The following NLGN1 variants were observed in gnomAD, a reference collection of about 807,000 sequenced individuals.
The protein encoded by NLGN1 is neuroligin-1.
In NLGN1, 12 loss-of-function variants were observed where a neutral mutation model predicts 65.5. The ratio of observed to expected loss-of-function variants is 0.18; its 90% confidence interval spans 0.12 to 0.30. The LOEUF (loss-of-function observed/expected upper bound fraction) is 0.30, where lower values mean the gene tolerates loss of function less well. NLGN1 is among the 10% of genes least tolerant of loss of function. NLGN1 has a pLI of 1.00. For synonymous variants in NLGN1, 350 were observed against 359.5 expected, an observed-to-expected ratio of 0.97 and a Z score of 0.30; for missense variants, 750 against 1,007.1, an observed-to-expected ratio of 0.74 and a Z score of 3.46.
rs527723137 is a variant in NLGN1, at chr3:174,136,255, C to T, written c.647-139060C>T. Among the ~76,000 whole-genome samples, 5 of 152,174 alleles carry T rather than the reference C, an allele frequency of 3.3e-5. No individual in the cohort carries two copies. The South Asian group carries it at 1.0e-3, about 32-fold the overall frequency. On this transcript the variant is annotated intron_variant, in intron 4 of 6. Coordinates refer to ENST00000457714, the Ensembl canonical transcript of NLGN1. ...ATTAAGAACAGGAAAATAAAAGGCA[C>T]ATAGCAATACATACTATTGGGTGTT...
Position 173,909,585 on chromosome 3 carries a change from C to A in NLGN1, c.646+101753C>A, listed in dbSNP as rs772069274. On this transcript the variant is annotated intron_variant, in intron 4 of 6. Coordinates refer to ENST00000457714, the Ensembl canonical transcript of NLGN1. ...GCTGGTAGATTATATTATTTTCTCA[C>A]CTTTCAGTGGTTACATTTAAGTATG... 3.3e-5 allele frequency among the ~76,000 whole-genome samples: 5 copies of A among 152,316 alleles called. No homozygotes were observed. In the South Asian group the frequency reaches 1.0e-3, roughly 32 times the overall value.
At chr3:174,218,350 T>G (rs963650505) in intron 4 of NLGN1, among the ~76,000 whole-genome samples, 3 of 152,026 alleles carry the variant, frequency 2.0e-5, no homozygotes, top group Admixed American at 6.6e-5. Context: ...TCATCTTTTC[T>G]TCAGTGAGGT....
intron 1 of NLGN1, among the ~76,000 whole-genome samples, chr3:173,432,443 C>T (rs247976): frequency 0.3 from 44,854 of 151,980 alleles, 6,784 homozygotes; most frequent in Middle Eastern, 0.41. Flanking sequence ...AGAAGTACCT[C>T]GTTAGTGTTT....
In NLGN1 at chr3:173,861,515, C is replaced by CGTGT. The variant is rs145812733; in HGVS notation, c.646+53722_646+53725dup. Among the ~76,000 whole-genome samples, 843 of 141,438 alleles carry CGTGT rather than the reference C, an allele frequency of 6.0e-3. 1 individual carries two copies. The highest frequency in any genetic ancestry group is 0.014 in the East Asian group (65 of 4,626). The allele number at this position is 141,438 out of a possible 152,430, so 92.8% of individuals were successfully genotyped here. ...GAATTGCCAATTCCAGTAGCTGGCA[C>CGTGT]GTGTGTGTGTGTGTGTGTGTGTGTG... On this transcript the variant is annotated intron_variant, in intron 4 of 6. Transcript: ENST00000457714.
intron 2 of NLGN1, among the ~76,000 whole-genome samples, chr3:173,451,062 C>T (rs1012634784): frequency 5.3e-5 from 8 of 152,200 alleles, no homozygotes; most frequent in Non-Finnish European, 7.3e-5. Flanking sequence ...TCTCTCAACT[C>T]GTCAAAGTCA....
chr3:173,425,471 G>T (rs1449634757), intron 1 of NLGN1, among the ~76,000 whole-genome samples: 1 of 151,920 alleles, frequency 6.6e-6, no homozygotes, highest in Non-Finnish European at 1.5e-5. Context: ...TAGATTCATA[G>T]TTTCAGGTCT....
intron 4 of NLGN1, among the ~76,000 whole-genome samples, chr3:173,818,892 G>GTTTTTTTTTTTTTTTTT (rs1224307666): frequency 1.9e-4 from 4 of 21,312 alleles, no homozygotes; most frequent in African/African-American, 8.1e-4. Flanking sequence ...CCTTTGAATA[G>GTTTTTTTTTTTTTTTTT]TTCTTTTTTT....
At chr3:173,616,187 T>C (rs1753044284) in intron 3 of NLGN1, among the ~76,000 whole-genome samples, 1 of 152,194 alleles carries the variant, frequency 6.6e-6, no homozygotes, top group African/African-American at 2.4e-5. Context: ...AAGGCTAATG[T>C]AGTCTATGGG....
At chr3:173,761,224 G>GCAA (rs1777924355) in intron 3 of NLGN1, among the ~76,000 whole-genome samples, 1 of 152,034 alleles carries the variant, frequency 6.6e-6, no homozygotes, top group Non-Finnish European at 1.5e-5. Context: ...ACACTGAGAT[G>GCAA]CAGTTCTTGT....
At chr3:174,167,630 T>C (rs1458635694) in intron 4 of NLGN1, among the ~76,000 whole-genome samples, 2 of 101,124 alleles carry the variant, frequency 2.0e-5, no homozygotes, top group Non-Finnish European at 4.1e-5. Flanking sequence ...CCCTTAAGAT[T>C]TTTTTTTTTC....
At chr3:173,532,006 C>G (rs910951230) in intron 2 of NLGN1, among the ~76,000 whole-genome samples, 1 of 152,178 alleles carries the variant, frequency 6.6e-6, no homozygotes, top group Non-Finnish European at 1.5e-5. Context: ...TATTGCCTTT[C>G]ACTCATTGCT....
At chr3:173,549,076 TA>T (rs1268348348) in intron 2 of NLGN1, among the ~76,000 whole-genome samples, 1 of 152,022 alleles carries the variant, frequency 6.6e-6, no homozygotes, top group Non-Finnish European at 1.5e-5. Context: ...AAATTTGTGT[TA>T]AAACATGTTT....
intron 1 of NLGN1, among the ~76,000 whole-genome samples, chr3:173,431,389 T>A (rs1717135762): frequency 7.0e-6 from 1 of 143,840 alleles, no homozygotes; most frequent in African/African-American, 3.0e-5. Flanking sequence ...TTTCTTTTTA[T>A]TCCTTATCAA....
intron 4 of NLGN1, among the ~76,000 whole-genome samples, chr3:174,077,216 A>G (rs541642130): frequency 6.6e-6 from 1 of 152,288 alleles, no homozygotes; most frequent in South Asian, 2.1e-4. Flanking sequence ...CCCACTTTTA[A>G]AATGAGATTA....
chr3:173,739,907 A>T (rs1414242479), intron 3 of NLGN1, among the ~76,000 whole-genome samples: 1 of 152,154 alleles, frequency 6.6e-6, no homozygotes, highest in East Asian at 1.9e-4. Flanking sequence ...GAGTTGATGG[A>T]CTGGAAAAAG....
At chr3:174,221,450 A>G (rs893825167) in intron 4 of NLGN1, among the ~76,000 whole-genome samples, 1 of 152,140 alleles carries the variant, frequency 6.6e-6, no homozygotes, top group Non-Finnish European at 1.5e-5. Flanking sequence ...GACAACGACT[A>G]CAGCAAAGAC....
intron 3 of NLGN1, among the ~76,000 whole-genome samples, chr3:173,807,118 T>A (rs1716835802): frequency 6.6e-6 from 1 of 152,160 alleles, no homozygotes; most frequent in Admixed American, 6.5e-5. Flanking sequence ...TCATCTGACA[T>A]TACTTAGGTA....
chr3:173,884,182 T>C (rs1345169371), intron 4 of NLGN1, among the ~76,000 whole-genome samples: 1 of 152,168 alleles, frequency 6.6e-6, no homozygotes, highest in Non-Finnish European at 1.5e-5. Flanking sequence ...AAAGGAGTTC[T>C]CTGCTCAGTA....
At chr3:174,147,443 TTTTTTTTG>T in intron 4 of NLGN1, among the ~76,000 whole-genome samples, 1 of 121,984 alleles carries the variant, frequency 8.2e-6, no homozygotes, top group Non-Finnish European at 1.6e-5. Flanking sequence ...TTTTTTTTTT[TTTTTTTTG>T]AGACAGAGTT....
Sources: allele counts gnomAD v4.1 joint callset (sites outside exome capture counted in the v4.1 genomes callset), GRCh38; gene constraint gnomAD v4.1.1; transcripts MANE v1.5; gene names NCBI Gene and HGNC (gene_info 2026-07-23, HGNC 2026-07-21).